Variants in NLGN1 observed in about 807,000 individuals in gnomAD.
The protein encoded by NLGN1 is neuroligin 1, also known as neuroligin-1.
In NLGN1, 12 loss-of-function variants were observed where a neutral mutation model predicts 65.5. The observed-to-expected ratio is 0.18, with a 90% CI of 0.12 to 0.30. NLGN1 has a LOEUF of 0.30. Ranked by LOEUF, NLGN1 falls within the 10% of genes least tolerant of loss-of-function variation. The pLI is 1.00. For synonymous variants in NLGN1, 350 were observed against 359.5 expected (o/e 0.97, Z 0.30); for missense variants, 750 against 1,007.1 (o/e 0.74, Z 3.46).
At chr3:174,060,439 C>T (rs1240569827) in intron 4 of NLGN1, among the ~76,000 whole-genome samples, 1 of 149,900 alleles carries the variant, frequency 6.7e-6, no homozygotes, top group Non-Finnish European at 1.5e-5. Context: ...AGAACATATG[C>T]CCCCCTTTAC....
chr3:173,559,455 C>A (rs898458349), intron 2 of NLGN1, among the ~76,000 whole-genome samples: 1 of 152,180 alleles, frequency 6.6e-6, no homozygotes, highest in Non-Finnish European at 1.5e-5. Context: ...ACTCATGGCT[C>A]ACCTATTGAA....
intron 3 of NLGN1, among the ~76,000 whole-genome samples, chr3:173,643,324 G>T (rs1757701298): frequency 6.6e-6 from 1 of 152,100 alleles, no homozygotes. Flanking sequence ...GATCCCAGAA[G>T]TTCTATGAGC....
At chr3:173,609,612 T>C (rs1348393493) in intron 3 of NLGN1, among the ~76,000 whole-genome samples, 1 of 151,992 alleles carries the variant, frequency 6.6e-6, no homozygotes, top group Non-Finnish European at 1.5e-5. Flanking sequence ...TGCTTATACA[T>C]TTCTCACTCA....
chr3:173,562,560 T>C (rs545941306), intron 2 of NLGN1, among the ~76,000 whole-genome samples: 5 of 150,712 alleles, frequency 3.3e-5, no homozygotes, highest in African/African-American at 1.2e-4. Flanking sequence ...AGCAAGATTG[T>C]CTAAAAAAAA....
intron 4 of NLGN1, among the ~76,000 whole-genome samples, chr3:174,068,939 T>G (rs1379625177): frequency 6.6e-6 from 1 of 152,196 alleles, no homozygotes; most frequent in Non-Finnish European, 1.5e-5. Flanking sequence ...ATTTAACACC[T>G]GTAACATGCC....
chr3:174,178,745 C>T lies in NLGN1; in HGVS notation c.647-96570C>T, dbSNP rs575917058. 5.3e-5 allele frequency among the ~76,000 whole-genome samples: 8 copies of T among 152,092 alleles called. No homozygotes were observed. In the South Asian group the frequency reaches 6.2e-4, roughly 12 times the overall value. The stretch of plus-strand genomic sequence containing the variant: ...AACTTTGTCTTTAGATTTATAAATT[C>T]GTGCTGTGCTCTGCTTCATAAATAC... On this transcript the variant is annotated intron_variant, in intron 4 of 6. Transcript: ENST00000457714.
In NLGN1 at chr3:174,147,419, C is replaced by CTTTTTTTT. The variant is rs574298501; in HGVS notation, c.647-127872_647-127865dup. On this transcript the variant is annotated intron_variant, in intron 4 of 6. Transcript: ENST00000457714. ...TGAATTTTTGTGTAATGGCTCATGG[C>CTTTTTTTT]TTTTTTTTTTTTTTTTTTTTTTTTT... Among the ~76,000 whole-genome samples the CTTTTTTTT allele has an allele frequency of 7.7e-4, 28 of 36,260 alleles. 3 individuals are homozygous for CTTTTTTTT. Among genetic ancestry groups the CTTTTTTTT allele is most frequent in the African/African-American group, 9.9e-4 (11 of 11,166 alleles). 23.8% of individuals were successfully genotyped at this position (36,260 alleles called of 152,430 possible).
intron 2 of NLGN1, among the ~76,000 whole-genome samples, chr3:173,546,159 A>G (rs1023045435): frequency 2.0e-5 from 3 of 152,168 alleles, no homozygotes; most frequent in Non-Finnish European, 2.9e-5. Flanking sequence ...TCAAATATAT[A>G]CAATGTAACA....
At chr3:173,431,549 A>G (rs977823147) in intron 1 of NLGN1, among the ~76,000 whole-genome samples, 1 of 152,148 alleles carries the variant, frequency 6.6e-6, no homozygotes, top group African/African-American at 2.4e-5. Flanking sequence ...TTGGATATAT[A>G]TATAATATGT....
intron 4 of NLGN1, among the ~76,000 whole-genome samples, chr3:173,898,836 A>G (rs185752914): frequency 2.0e-5 from 3 of 152,278 alleles, no homozygotes; most frequent in African/African-American, 4.8e-5. Context: ...CATAAACTAC[A>G]TTGGATTAAA....
chr3:173,865,411 TTACATG>T, intron 4 of NLGN1, among the ~76,000 whole-genome samples: 1 of 152,156 alleles, frequency 6.6e-6, no homozygotes, highest in East Asian at 1.9e-4. Flanking sequence ...TGCTTAGTTC[TTACATG>T]TACATAATAA....
chr3:173,699,945 G>C (rs531862886), intron 3 of NLGN1, among the ~76,000 whole-genome samples: 1 of 152,292 alleles, frequency 6.6e-6, no homozygotes, highest in Non-Finnish European at 1.5e-5. Flanking sequence ...TAGTGCACTG[G>C]AGCATAATTT....
intron 3 of NLGN1, among the ~76,000 whole-genome samples, chr3:173,796,873 A>C (rs1001311256): frequency 6.6e-6 from 1 of 152,180 alleles, no homozygotes; most frequent in Non-Finnish European, 1.5e-5. Context: ...ATTTACAGGA[A>C]TAGAGTGTCT....
chr3:173,984,180 G>C (rs1184973329), intron 4 of NLGN1, among the ~76,000 whole-genome samples: 2 of 152,204 alleles, frequency 1.3e-5, no homozygotes, highest in African/African-American at 4.8e-5. Context: ...AAGAAACCCT[G>C]TGACAATGTG....
At chr3:173,835,106 C>G (rs1723354609) in intron 4 of NLGN1, among the ~76,000 whole-genome samples, 1 of 152,128 alleles carries the variant, frequency 6.6e-6, no homozygotes, top group Non-Finnish European at 1.5e-5. Context: ...GAGTTTTCCC[C>G]TATTTCTTTT....
At chr3:174,104,923 T>C (rs983537511) in intron 4 of NLGN1, among the ~76,000 whole-genome samples, 1 of 152,116 alleles carries the variant, frequency 6.6e-6, no homozygotes, top group Non-Finnish European at 1.5e-5. Flanking sequence ...GGGTCAAAGA[T>C]GGCTTCTAAT....
intron 3 of NLGN1, among the ~76,000 whole-genome samples, chr3:173,608,165 G>A (rs1406234045): frequency 1.3e-5 from 2 of 151,728 alleles, no homozygotes; most frequent in South Asian, 2.1e-4. Flanking sequence ...TTTAAATAGA[G>A]CATTTACAAT....
At chr3:174,219,435 A>G (rs1395600881) in intron 4 of NLGN1, among the ~76,000 whole-genome samples, 2 of 152,142 alleles carry the variant, frequency 1.3e-5, no homozygotes, top group African/African-American at 2.4e-5. Flanking sequence ...CAGGCTGTCA[A>G]TGGCATAATC....
At chr3:173,618,144 G>A (rs1753416352) in intron 3 of NLGN1, among the ~76,000 whole-genome samples, 1 of 152,054 alleles carries the variant, frequency 6.6e-6, no homozygotes, top group Admixed American at 6.5e-5. Context: ...CCTTCCGTTG[G>A]TTATCACCAT....
Sources: gnomAD v4.1 joint callset for allele counts (sites outside exome capture counted in the v4.1 genomes callset) on GRCh38, gnomAD v4.1.1 for gene constraint, MANE v1.5 for transcripts, NCBI Gene and HGNC (gene_info 2026-07-23, HGNC 2026-07-21) for gene names.